Variants in ZNF407 observed in about 807,000 individuals in gnomAD.
ZNF407 encodes zinc finger protein 407.
Under a neutral mutation model 131.2 loss-of-function variants are expected in ZNF407, and 17 were observed. The ratio of observed to expected loss-of-function variants is 0.13; its 90% confidence interval spans 0.09 to 0.19. The LOEUF is 0.19. Among genes scored for constraint, ZNF407 ranks in the 10% least tolerant of loss-of-function variants. The probability of loss-of-function intolerance (pLI) is 1.00; values close to 1 mark genes in which losing one functional copy is unlikely to be tolerated. For missense variants in ZNF407, 2,681 were observed against 2,830.6 expected, an observed-to-expected ratio of 0.95 and a Z score of 1.20; for synonymous variants, 1,156 against 1,062.0, an observed-to-expected ratio of 1.09 and a Z score of -1.72.
At chr18:74,793,898 C>T (rs964831865) in intron 4 of ZNF407, among the ~76,000 whole-genome samples, 4 of 152,192 alleles carry the variant, frequency 2.6e-5, no homozygotes, top group Non-Finnish European at 4.4e-5. Flanking sequence ...GGGTGTCTCT[C>T]AGGAGGGAGA....
chr18:74,858,419 G>A (rs530280180), intron 4 of ZNF407, among the ~76,000 whole-genome samples: 1 of 152,218 alleles, frequency 6.6e-6, no homozygotes, highest in East Asian at 1.9e-4. Flanking sequence ...ACTTTGTACA[G>A]CCAAATGGTA....
chr18:74,889,292 G>GTCTA (rs1568256571), intron 6 of ZNF407, among the ~76,000 whole-genome samples: 2 of 151,878 alleles, frequency 1.3e-5, no homozygotes, highest in South Asian at 4.2e-4. Context: ...CTGTCTGTCT[G>GTCTA]TCTATTTACC....
chr18:74,759,866 T>C (rs1458879189), intron 3 of ZNF407, among the ~76,000 whole-genome samples: 1 of 151,672 alleles, frequency 6.6e-6, no homozygotes, highest in African/African-American at 2.4e-5. Context: ...CTAGCAGTCT[T>C]ATCTGGGATT....
chr18:74,847,294 A>G (rs762950951), intron 4 of ZNF407, among the ~76,000 whole-genome samples: 2 of 152,200 alleles, frequency 1.3e-5, no homozygotes, highest in Non-Finnish European at 2.9e-5. Flanking sequence ...TCCTATTACA[A>G]TATTAACTCT....
At chr18:74,653,307 G>T (rs760277773) in intron 3 of ZNF407, among the ~76,000 whole-genome samples, 1 of 151,744 alleles carries the variant, frequency 6.6e-6, no homozygotes, top group Non-Finnish European at 1.5e-5. Context: ...TTATTTAAGC[G>T]TCATATTCTC....
chr18:74,684,892 T>C (rs1244752612), intron 3 of ZNF407, among the ~76,000 whole-genome samples: 1 of 152,150 alleles, frequency 6.6e-6, no homozygotes, highest in Non-Finnish European at 1.5e-5. Flanking sequence ...TTGGAGGAAA[T>C]GTGTTTGACT....
intron 3 of ZNF407, among the ~76,000 whole-genome samples, chr18:74,724,894 AGTT>A (rs1255915265): frequency 2.0e-5 from 3 of 152,234 alleles, no homozygotes; most frequent in African/African-American, 4.8e-5. Context: ...TAATGTTTAA[AGTT>A]GTTATTACAC....
intron 3 of ZNF407, among the ~76,000 whole-genome samples, chr18:74,689,952 A>G (rs1967181557): frequency 6.6e-6 from 1 of 152,184 alleles, no homozygotes; most frequent in African/African-American, 2.4e-5. Flanking sequence ...CTGGGCACCA[A>G]GCTGTGCAGG....
rs935251672 is a variant in ZNF407, at chr18:74,767,773, C to G, written c.4803-13655C>G. On this transcript the variant is annotated intron_variant, in intron 3 of 8. Coordinates refer to ENST00000299687, the MANE Select transcript of ZNF407 (RefSeq NM_017757.3). ...GGTTCATGCCATTCTCCTGCCTCAG[C>G]CTCCTGAGTAGCTGGGACTAGAGGC... is the stretch of plus-strand genomic sequence containing the variant. 6.7e-5 allele frequency among the ~76,000 whole-genome samples: 10 copies of G among 150,306 alleles called. No individual in the cohort carries two copies. The South Asian group carries it at 2.1e-3, about 32-fold the overall frequency.
chr18:74,961,798 AT>A (rs995899306), intron 8 of ZNF407, among the ~76,000 whole-genome samples: 2 of 152,014 alleles, frequency 1.3e-5, no homozygotes, highest in African/African-American at 4.8e-5. Flanking sequence ...GGGTTGAGAA[AT>A]GTGTTCACCA....
intron 4 of ZNF407, among the ~76,000 whole-genome samples, chr18:74,855,020 C>G (rs983129036): frequency 6.6e-6 from 1 of 152,122 alleles, no homozygotes; most frequent in Non-Finnish European, 1.5e-5. Flanking sequence ...TTAGAACACA[C>G]CATTATGTGT....
chr18:74,975,000 G>T (rs1319582798), intron 8 of ZNF407, among the ~76,000 whole-genome samples: 1 of 152,218 alleles, frequency 6.6e-6, no homozygotes, highest in East Asian at 1.9e-4. Flanking sequence ...ACTGCCAGCA[G>T]ATTCTGGGAC....
rs560379599 is a variant in ZNF407 at position 75,037,960 on chromosome 18, A to AT, written c.5429-25183dup. ...AAGTTTTAGTTAATTACACTAGATG[A>AT]TTTTTTTGAGATTAATAATTAACAT... On this transcript the variant is annotated intron_variant, in intron 8 of 8. Transcript: ENST00000299687. 3.4e-3 allele frequency among the ~76,000 whole-genome samples: 518 copies of AT among 152,286 alleles called. 1 individual carries two copies. Among genetic ancestry groups the AT allele is most frequent in the African/African-American group, 0.011 (456 of 41,568 alleles).
intron 3 of ZNF407, among the ~76,000 whole-genome samples, chr18:74,772,648 G>C (rs1413482344): frequency 6.6e-6 from 1 of 152,064 alleles, no homozygotes; most frequent in South Asian, 2.1e-4. Context: ...TCAGCAGTTA[G>C]AATACCTGAT....
intron 7 of ZNF407, among the ~76,000 whole-genome samples, chr18:74,894,992 T>C (rs2145201628): frequency 6.6e-6 from 1 of 152,262 alleles, no homozygotes; most frequent in Non-Finnish European, 1.5e-5. Flanking sequence ...TATTTTTCTT[T>C]TTTATTCATT....
chr18:74,623,407 C>G (rs1983648314), intron 1 of ZNF407, among the ~76,000 whole-genome samples: 1 of 152,048 alleles, frequency 6.6e-6, no homozygotes, highest in Non-Finnish European at 1.5e-5. Flanking sequence ...AGAGCGAGAG[C>G]TGCAGCTCGC....
chr18:74,854,936 T>C (rs756135799), intron 4 of ZNF407, among the ~76,000 whole-genome samples: 14 of 152,242 alleles, frequency 9.2e-5, no homozygotes, highest in Non-Finnish European at 1.6e-4. Flanking sequence ...TACTAACTTA[T>C]AGATTAGTGA....
At chr18:74,828,602 C>T (rs547458657) in intron 4 of ZNF407, among the ~76,000 whole-genome samples, 53 of 152,316 alleles carry the variant, frequency 3.5e-4, no homozygotes, top group African/African-American at 1.2e-3. Context: ...TTTAGCACTG[C>T]TTATGGGAAC....
intron 6 of ZNF407, among the ~76,000 whole-genome samples, chr18:74,887,036 T>C (rs1971320095): frequency 6.6e-6 from 1 of 152,220 alleles, no homozygotes; most frequent in South Asian, 2.1e-4. Context: ...GACATTGGTG[T>C]GCATTAAATT....
Sources: gnomAD v4.1 joint callset for allele counts (sites outside exome capture counted in the v4.1 genomes callset) on GRCh38, gnomAD v4.1.1 for gene constraint, MANE v1.5 for transcripts, NCBI Gene and HGNC (gene_info 2026-07-23, HGNC 2026-07-21) for gene names.